CUL1: variants seen among roughly 807,000 people sequenced by gnomAD.
The protein encoded by CUL1 is cullin 1.
A neutral mutation model predicts 118.0 loss-of-function variants in CUL1; 24 were observed. That is an observed-to-expected ratio of 0.20 (90% CI 0.15 to 0.29). CUL1 has a LOEUF of 0.29. Among genes scored for constraint, CUL1 ranks in the 10% least tolerant of loss-of-function variants. The pLI is 1.00. For synonymous variants in CUL1, 332 were observed against 340.4 expected, an observed-to-expected ratio of 0.98 and a Z score of 0.27; for missense variants, 361 against 933.8, an observed-to-expected ratio of 0.39 and a Z score of 7.99.
At chr7:148,768,722 C>A (rs1337194346) in intron 9 of CUL1, among the ~76,000 whole-genome samples, 1 of 152,088 alleles carries the variant, frequency 6.6e-6, no homozygotes, top group African/African-American at 2.4e-5. Context: ...GTTCTTACAT[C>A]TGAATGCAGA....
At chr7:148,759,226 AT>A in intron 4 of CUL1, 77 bp from the exon 5 acceptor site, 1 of 1,347,388 alleles carries the variant, frequency 7.4e-7, no homozygotes, top group Admixed American at 1.8e-5. Context: ...GTAATTTGAG[AT>A]TTAGGTTATT....
Position 148,746,685 on chromosome 7 carries a change from TA to T in CUL1, c.141-7290del, listed in dbSNP as rs778438201. 4.7e-4 allele frequency among the ~76,000 whole-genome samples: 72 copies of T among 152,366 alleles called. 1 individual carries two copies. Among genetic ancestry groups the T allele is most frequent in the Non-Finnish European group, 5.9e-4 (40 of 68,028 alleles). ...TCTATTTAGCTTTTCTTTATCCACT[TA>T]CGAGAATGTTAGGATAAATCTGTTT... On this transcript the variant is annotated intron_variant, in intron 2 of 21. Transcript: ENST00000325222.
intron 17 of CUL1, among the ~76,000 whole-genome samples, chr7:148,794,316 G>A (rs1284119321): frequency 6.6e-6 from 1 of 152,012 alleles, no homozygotes; most frequent in Non-Finnish European, 1.5e-5. Flanking sequence ...CCTAGTCTGA[G>A]GCCAAGGACT....
intron 17 of CUL1, among the ~76,000 whole-genome samples, chr7:148,793,595 A>G (rs1471712180): frequency 6.6e-6 from 1 of 152,190 alleles, no homozygotes; most frequent in East Asian, 1.9e-4. Flanking sequence ...ACTGTTTGCA[A>G]GGTTTGCCCA....
intron 9 of CUL1, among the ~76,000 whole-genome samples, chr7:148,773,517 G>A (rs1800290266): frequency 1.3e-5 from 2 of 152,142 alleles, no homozygotes; most frequent in East Asian, 1.9e-4. Flanking sequence ...CCTTGAGAGC[G>A]AAGCTCACGC....
chr7:148,725,248 C>CA (rs3222168), intron 1 of CUL1, among the ~76,000 whole-genome samples: 1 of 151,276 alleles, frequency 6.6e-6, no homozygotes, highest in Admixed American at 6.6e-5. Flanking sequence ...CACACACACA[C>CA]CCGTACCCCT....
chr7:148,729,910 T>C, intron 1 of CUL1, 52 bp from the exon 2 acceptor site: 1 of 535,652 alleles, frequency 1.9e-6, no homozygotes, highest in Non-Finnish European at 3.2e-6. Flanking sequence ...GTGTCTCACC[T>C]TATTACAGTA....
rs1425211775 is a variant in CUL1, at chr7:148,800,448, A to T, written c.2251-54A>T. ...GCAGCCTCTCTCTGTTCTGATGATA[A>T]TTTGTGTTTTTCTTCTCTTTCACTA... On this transcript the variant is annotated intron_variant, in intron 21 of 21. Coordinates refer to ENST00000325222, the MANE Select transcript of CUL1 (RefSeq NM_003592.3). The surrounding 1 kb of genome is among the most constrained non-coding windows in gnomAD (Gnocchi z 4.6). 54 of 1,427,558 alleles carry T rather than the reference A, an allele frequency of 3.8e-5. No homozygotes were observed. The highest frequency in any genetic ancestry group is 5.0e-5 in the Non-Finnish European group (51 of 1,012,212). The allele number at this position is 1,427,558 out of a possible 1,614,324, so 88.4% of individuals were successfully genotyped here.
intron 21 of CUL1, 88 bp downstream of exon 21, chr7:148,799,476 AAGG>A: frequency 1.1e-6 from 1 of 873,698 alleles, no homozygotes; most frequent in Non-Finnish European, 1.8e-6. Flanking sequence ...CTGTAGCATG[AAGG>A]AGGAGGGAGC....
At chr7:148,790,979 A>G (rs1484289950) in intron 16 of CUL1, among the ~76,000 whole-genome samples, 13 of 152,178 alleles carry the variant, frequency 8.5e-5, no homozygotes, top group Admixed American at 8.5e-4. Flanking sequence ...TCTGAATCCT[A>G]GCTTATATGT....
intron 1 of CUL1, among the ~76,000 whole-genome samples, chr7:148,701,617 A>T (rs116252533): frequency 6.6e-6 from 1 of 152,136 alleles, no homozygotes; most frequent in East Asian, 1.9e-4. Flanking sequence ...CTCCTTGTAG[A>T]TGAGGCAAGC....
At chr7:148,750,343 A>G (rs2129460209) in intron 2 of CUL1, among the ~76,000 whole-genome samples, 1 of 150,182 alleles carries the variant, frequency 6.7e-6, no homozygotes, top group African/African-American at 2.5e-5. Context: ...GTACATATGC[A>G]CAATGTGCAG....
rs200603835 is a variant in CUL1, at chr7:148,715,418, T to C, written c.-161-14544T>C. Among the ~76,000 whole-genome samples, 6 of 152,352 alleles carry C rather than the reference T, an allele frequency of 3.9e-5. No homozygotes were observed. The East Asian group carries it at 1.2e-3, about 29-fold the overall frequency. On this transcript the variant is annotated intron_variant, in intron 1 of 21. Coordinates refer to ENST00000325222, the MANE Select transcript of CUL1 (RefSeq NM_003592.3). The stretch of plus-strand genomic sequence containing the variant: ...TGGCACTTACCACAGTCAGTGACTT[T>C]TCATAATAGACCTTTTCCTTGATTT...
intron 3 of CUL1, among the ~76,000 whole-genome samples, chr7:148,755,321 A>G (rs948050686): frequency 2.0e-5 from 3 of 152,210 alleles, no homozygotes; most frequent in Non-Finnish European, 2.9e-5. Context: ...GAAGACGTCT[A>G]TACTGTGACC....
intron 7 of CUL1, among the ~76,000 whole-genome samples, chr7:148,763,250 C>T (rs575417705): frequency 7.9e-5 from 12 of 152,286 alleles, no homozygotes; most frequent in African/African-American, 1.4e-4. Context: ...GCATGAGGCC[C>T]GCCTTCAAGG....
At position 148,743,870 on chromosome 7, in the gene CUL1, C is replaced by T. The variant is rs149012592; in HGVS notation, c.141-10106C>T. ...CTGGGAGGTGGAGGTTTCAGTGAGC[C>T]GAGATGGCACCACTGCACTCCAGCC... On this transcript the variant is annotated intron_variant, in intron 2 of 21. Coordinates refer to ENST00000325222, the MANE Select transcript of CUL1 (RefSeq NM_003592.3). Among the ~76,000 whole-genome samples, 608 of 152,140 alleles carry T rather than the reference C, an allele frequency of 4.0e-3. 2 individuals are homozygous for T. Among genetic ancestry groups the T allele is most frequent in the African/African-American group, 0.014 (580 of 41,490 alleles).
At chr7:148,764,934 G>A (rs1293547989) in intron 7 of CUL1, among the ~76,000 whole-genome samples, 1 of 152,172 alleles carries the variant, frequency 6.6e-6, no homozygotes. Flanking sequence ...GTTTATTTTA[G>A]TGGGTAATCA....
At chr7:148,742,429 C>A (rs1394294147) in intron 2 of CUL1, among the ~76,000 whole-genome samples, 1 of 152,124 alleles carries the variant, frequency 6.6e-6, no homozygotes, top group Non-Finnish European at 1.5e-5. Flanking sequence ...ACCACGAGAA[C>A]ACTATCGGGG....
rs1801212961 is a variant in CUL1, at chr7:148,796,785, C to T, written c.1900-1027C>T. On this transcript the variant is annotated intron_variant, in intron 17 of 21. Transcript: ENST00000325222. ...CTTTCTGCCCACAGTAGATGCTGTC[C>T]AATCAGACCTGGCTCAGGAAGTGGG... 1.3e-5 allele frequency among the ~76,000 whole-genome samples: 2 copies of T among 152,124 alleles called. 1 individual carries two copies. Among genetic ancestry groups the T allele is most frequent in the African/African-American group, 4.8e-5 (2 of 41,426 alleles).
Sources: gnomAD v4.1 joint callset for allele counts (sites outside exome capture counted in the v4.1 genomes callset) on GRCh38, gnomAD v4.1.1 for gene constraint, Gnocchi (gnomAD v3.1) non-coding constraint, MANE v1.5 for transcripts, NCBI Gene and HGNC (gene_info 2026-07-23, HGNC 2026-07-21) for gene names.